UACA: variants seen among roughly 807,000 people sequenced by gnomAD.
The protein encoded by UACA is uveal autoantigen with coiled-coil domains and ankyrin repeats.
In UACA, 112 loss-of-function variants were observed where a neutral mutation model predicts 160.5. The observed-to-expected ratio is 0.70, with a 90% confidence interval of 0.60 to 0.82. The LOEUF (loss-of-function observed/expected upper bound fraction) is 0.82. Among genes scored for constraint, UACA ranks in the 40% least tolerant of loss-of-function variants. The pLI, the probability that UACA is intolerant of heterozygous loss-of-function variation, is 0.00. For missense variants in UACA, 1,574 were observed against 1,614.6 expected (o/e 0.97, Z 0.43); for synonymous variants, 557 against 568.4 (o/e 0.98, Z 0.29).
At chr15:70,714,954 G>A (rs1232483814) in intron 1 of UACA, among the ~76,000 whole-genome samples, 2 of 152,090 alleles carry the variant, frequency 1.3e-5, no homozygotes, top group African/African-American at 4.8e-5. Flanking sequence ...AAATTACTAA[G>A]TAAATATATA....
At chr15:70,745,072 A>G (rs1026862020) in intron 1 of UACA, among the ~76,000 whole-genome samples, 1 of 152,190 alleles carries the variant, frequency 6.6e-6, no homozygotes, top group Non-Finnish European at 1.5e-5. Flanking sequence ...CTAGGAATAC[A>G]ACTTACAAGG....
At chr15:70,682,831 C>T in intron 8 of UACA, 36 bp from the exon 9 acceptor site, 1 of 1,514,196 alleles carries the variant, frequency 6.6e-7, no homozygotes, top group South Asian at 1.3e-5. Context: ...AACAAAATGG[C>T]AGGTTAACTT....
chr15:70,716,755 G>C (rs1361617148), intron 1 of UACA, among the ~76,000 whole-genome samples: 1 of 152,030 alleles, frequency 6.6e-6, no homozygotes, highest in African/African-American at 2.4e-5. Flanking sequence ...ATTAGAAAAA[G>C]TATTTTTCCT....
At chr15:70,658,904 A>C (rs751706771) in intron 18 of UACA, among the ~76,000 whole-genome samples, 1 of 152,220 alleles carries the variant, frequency 6.6e-6, no homozygotes, top group African/African-American at 2.4e-5. Context: ...TCTGATGTCA[A>C]TTGCTTTTGT....
chr15:70,687,436 A>G, intron 7 of UACA, 104 bp downstream of exon 7: 1 of 1,028,264 alleles, frequency 9.7e-7, no homozygotes, highest in East Asian at 2.4e-5. Flanking sequence ...GGGAGAACCC[A>G]CAGGAAAGAA....
chr15:70,692,347 G>C (rs546034052), intron 3 of UACA, among the ~76,000 whole-genome samples: 27 of 152,062 alleles, frequency 1.8e-4, no homozygotes, highest in Non-Finnish European at 3.7e-4. Flanking sequence ...ATTTTGTGTA[G>C]AGACAGGGGC....
chr15:70,765,727 G>T (rs1410550318), upstream of UACA, among the ~76,000 whole-genome samples: 1 of 152,182 alleles, frequency 6.6e-6, no homozygotes, highest in African/African-American at 2.4e-5. Context: ...GTATTTATGT[G>T]ACACAGGATT....
intron 14 of UACA, chr15:70,671,730 A>G: frequency 3.2e-6 from 1 of 312,280 alleles, no homozygotes; most frequent in Non-Finnish European, 5.8e-6. Flanking sequence ...TAATTCATAC[A>G]ATATACAATT....
At chr15:70,765,632 A>G (rs1207433360), upstream of UACA, among the ~76,000 whole-genome samples, 1 of 152,240 alleles carries the variant, frequency 6.6e-6, no homozygotes, top group Non-Finnish European at 1.5e-5. Flanking sequence ...AATGCTTAGC[A>G]TGTTATAGGT....
upstream of UACA, among the ~76,000 whole-genome samples, chr15:70,764,696 C>T (rs960907273): frequency 1.1e-4 from 16 of 152,138 alleles, no homozygotes; most frequent in Non-Finnish European, 2.1e-4. Flanking sequence ...ACTGTGTTAA[C>T]CCTATACAAC....
chr15:70,670,972 C>T, intron 15 of UACA, 67 bp downstream of exon 15: 1 of 1,007,414 alleles, frequency 9.9e-7, no homozygotes, highest in Non-Finnish European at 1.4e-6. Context: ...GCTTTCTCCT[C>T]TCTTTATAAA....
chr15:70,657,037 T>C lies in UACA; in HGVS notation c.*19A>G, dbSNP rs1457417587. ...AGCACCAGCAAGATAAAACAGATAC[T>C]GGCAGTCAGTGCTAACGGCTAGCAC... On this transcript the variant is annotated 3_prime_UTR_variant, in exon 19 of 19. Coordinates refer to ENST00000322954, the MANE Select transcript of UACA (RefSeq NM_018003.4). The C allele has an allele frequency of 4.3e-6, 7 of 1,610,864 alleles. No homozygotes were observed. Among genetic ancestry groups the C allele is most frequent in the Non-Finnish European group, 5.9e-6 (7 of 1,177,076 alleles).
chr15:70,676,664 A>G, intron 12 of UACA, 73 bp from the exon 13 acceptor site: 1 of 1,305,812 alleles, frequency 7.7e-7, no homozygotes. Context: ...GTTTTAGAAA[A>G]CGTGAATTGG....
chr15:70,768,466 T>C (rs1451121577), upstream of UACA: 1 of 152,238 alleles, frequency 6.6e-6, no homozygotes, highest in Non-Finnish European at 1.5e-5. Flanking sequence ...AGATAACCAC[T>C]GTGTTTTCTT....
intron 1 of UACA, among the ~76,000 whole-genome samples, chr15:70,716,286 T>C (rs1898819364): frequency 6.6e-6 from 1 of 152,196 alleles, no homozygotes; most frequent in South Asian, 2.1e-4. Context: ...GCAAGCATCA[T>C]GTGCCAGACA....
intron 1 of UACA, among the ~76,000 whole-genome samples, chr15:70,709,496 T>C (rs1218980984): frequency 1.3e-5 from 2 of 152,182 alleles, no homozygotes; most frequent in African/African-American, 2.4e-5. Context: ...TCCAGATATA[T>C]AAAATTTGAA....
chr15:70,663,539 G>A (rs1896794584), intron 17 of UACA, among the ~76,000 whole-genome samples: 1 of 151,930 alleles, frequency 6.6e-6, no homozygotes, highest in African/African-American at 2.4e-5. Flanking sequence ...AGATCATGCT[G>A]CTATAAAGAC....
rs773860365 is a variant in UACA at position 70,687,567 on chromosome 15, T to G, written c.575A>C (p.Asp192Ala). ...GTTTTGTTTGTCTCTGGAATTAACA[T>G]CCGCTCCTCTATCTATCAGCAGTTG... ...ICQLLIDRGA[D>A]VNSRDKQNRT... Residue 192 changes from aspartate to alanine, a missense_variant, in exon 7 of 19, where the codon GAT becomes GCT. Physicochemically the swap from Asp to Ala is moderately radical, Grantham distance 126 (BLOSUM62 -2). Transcript: ENST00000322954. 6.2e-7 allele frequency: 1 copy of G among 1,613,856 alleles called. No homozygotes were observed. Among genetic ancestry groups the G allele is most frequent in the Non-Finnish European group, 8.5e-7 (1 of 1,179,812 alleles).
chr15:70,720,327 A>T (rs1286430283), intron 1 of UACA, among the ~76,000 whole-genome samples: 2 of 152,204 alleles, frequency 1.3e-5, no homozygotes, highest in African/African-American at 4.8e-5. Flanking sequence ...ATGGACTAAT[A>T]CACAGTGTCT....
Sources: allele counts gnomAD v4.1 joint callset (sites outside exome capture counted in the v4.1 genomes callset), GRCh38; gene constraint gnomAD v4.1.1; transcripts MANE v1.5; gene names NCBI Gene and HGNC (gene_info 2026-07-23, HGNC 2026-07-21).